APBA1: variants seen among roughly 807,000 people sequenced by gnomAD.
The protein encoded by APBA1 is amyloid-beta A4 precursor protein-binding family A member 1.
A neutral mutation model predicts 86.6 loss-of-function variants in APBA1; 55 were observed. The observed-to-expected ratio is 0.64, with a 90% CI of 0.51 to 0.80. APBA1 has a LOEUF of 0.80. Ranked by LOEUF, APBA1 falls within the 30% of genes least tolerant of loss-of-function variation. The pLI, the probability that APBA1 is intolerant of heterozygous loss-of-function variation, is 0.00. For synonymous variants in APBA1, 511 were observed against 493.9 expected, an observed-to-expected ratio of 1.03 and a Z score of -0.46; for missense variants, 1,090 against 1,183.0, an observed-to-expected ratio of 0.92 and a Z score of 1.15.
intron 2 of APBA1, among the ~76,000 whole-genome samples, chr9:69,485,054 A>T (rs1182591892): frequency 6.6e-6 from 1 of 151,592 alleles, no homozygotes; most frequent in East Asian, 1.9e-4. Context: ...GGGCTCAAGC[A>T]ATCCTCCTGC....
chr9:69,643,969 A>G (rs1316607978), intron 1 of APBA1, among the ~76,000 whole-genome samples: 2 of 152,186 alleles, frequency 1.3e-5, no homozygotes, highest in African/African-American at 4.8e-5. Flanking sequence ...TTTGCCTAGA[A>G]GGCTCTTCCC....
chr9:69,450,891 T>G (rs747941736), intron 9 of APBA1, among the ~76,000 whole-genome samples: 2 of 151,962 alleles, frequency 1.3e-5, no homozygotes, highest in African/African-American at 2.4e-5. Context: ...AGACACAGCA[T>G]GAAGACAGCC....
chr9:69,632,555 C>T (rs563040601), intron 1 of APBA1, among the ~76,000 whole-genome samples: 5 of 152,122 alleles, frequency 3.3e-5, no homozygotes, highest in African/African-American at 7.2e-5. Context: ...AGAAACTAAA[C>T]GACTTAATAT....
intron 2 of APBA1, among the ~76,000 whole-genome samples, chr9:69,499,783 T>C (rs530312736): frequency 1.3e-5 from 2 of 151,706 alleles, no homozygotes; most frequent in Non-Finnish European, 2.9e-5. Context: ...CACTGCAACA[T>C]TTTTCTTGAA....
intron 11 of APBA1, among the ~76,000 whole-genome samples, chr9:69,440,239 C>CT (rs1834791390): frequency 6.6e-6 from 1 of 152,192 alleles, no homozygotes; most frequent in African/African-American, 2.4e-5. Context: ...CAGGGACACA[C>CT]TTCAGGAGGC....
chr9:69,660,554 C>T (rs1406715279), intron 1 of APBA1, among the ~76,000 whole-genome samples: 1 of 152,102 alleles, frequency 6.6e-6, no homozygotes, highest in African/African-American at 2.4e-5. Flanking sequence ...CATTCTTTTC[C>T]TTTTATGGTT....
In APBA1 at chr9:69,432,604, T is replaced by G; in HGVS notation, c.2374A>C (p.Asn792His). ...VRVGHRIIEI[N>H]GQSVVATPHE... ...GGGGTGGCCACGACGCTCTGTCCAT[T>G]GATTTCAATGATCCGGTGCCCCACA... The change falls in exon 12 of 13, where the codon AAT (asparagine) becomes CAT (histidine). Residue 792 changes from asparagine to histidine, a missense_variant. Asn to His is a moderately conservative substitution (Grantham distance 68, BLOSUM62 1). Coordinates refer to ENST00000265381, the MANE Select transcript of APBA1 (RefSeq NM_001163.4). The G allele has an allele frequency of 6.2e-7, 1 of 1,606,786 alleles. No homozygotes were observed. The highest frequency in any genetic ancestry group is 8.5e-7 in the Non-Finnish European group (1 of 1,176,928).
intron 1 of APBA1, among the ~76,000 whole-genome samples, chr9:69,552,134 T>C (rs763481491): frequency 1.3e-5 from 2 of 152,196 alleles, no homozygotes; most frequent in African/African-American, 4.8e-5. Flanking sequence ...GCTTTGAATA[T>C]GACAATGGAA....
At chr9:69,671,273 T>C (rs938112626) in intron 1 of APBA1, among the ~76,000 whole-genome samples, 2 of 152,156 alleles carry the variant, frequency 1.3e-5, no homozygotes, top group African/African-American at 4.8e-5. Context: ...AAGACCCTTA[T>C]GGAACAGGTG....
intron 11 of APBA1, among the ~76,000 whole-genome samples, chr9:69,434,015 T>G (rs943623563): frequency 3.9e-5 from 6 of 152,182 alleles, no homozygotes; most frequent in Admixed American, 3.9e-4. Flanking sequence ...CTTTGCCATG[T>G]TGGCCAAGCT....
At chr9:69,572,046 C>T (rs1365386370) in intron 1 of APBA1, among the ~76,000 whole-genome samples, 1 of 152,142 alleles carries the variant, frequency 6.6e-6, no homozygotes, top group African/African-American at 2.4e-5. Flanking sequence ...GAGGGCAGTC[C>T]AAGATAGTGC....
At chr9:69,586,928 T>C (rs1435587411) in intron 1 of APBA1, among the ~76,000 whole-genome samples, 1 of 152,230 alleles carries the variant, frequency 6.6e-6, no homozygotes, top group Non-Finnish European at 1.5e-5. Context: ...GAGTTCCATA[T>C]ACTTTAAAAA....
At chr9:69,631,294 C>T (rs1309608680) in intron 1 of APBA1, among the ~76,000 whole-genome samples, 1 of 152,170 alleles carries the variant, frequency 6.6e-6, no homozygotes, top group Non-Finnish European at 1.5e-5. Context: ...AGCCAACAGA[C>T]ACATGAAAAA....
intron 11 of APBA1, among the ~76,000 whole-genome samples, chr9:69,433,116 A>G (rs1834634126): frequency 6.6e-6 from 1 of 152,172 alleles, no homozygotes; most frequent in African/African-American, 2.4e-5. Context: ...CTGAGCCACC[A>G]TGGGGCTGGA....
intron 1 of APBA1, among the ~76,000 whole-genome samples, chr9:69,535,955 C>G (rs1313531432): frequency 6.6e-6 from 1 of 151,788 alleles, no homozygotes; most frequent in Non-Finnish European, 1.5e-5. Context: ...ATCTTGGTCT[C>G]TCTCTTTCAT....
intron 1 of APBA1, among the ~76,000 whole-genome samples, chr9:69,633,520 C>T (rs528043850): frequency 2.0e-5 from 3 of 152,314 alleles, no homozygotes; most frequent in South Asian, 2.1e-4. Context: ...GTGAGGGACT[C>T]TAATCTTCTC....
chr9:69,597,899 A>G, intron 1 of APBA1, among the ~76,000 whole-genome samples: 1 of 152,164 alleles, frequency 6.6e-6, no homozygotes, highest in Admixed American at 6.5e-5. Flanking sequence ...ATCTAGAACT[A>G]GAAATACCAT....
intron 1 of APBA1, among the ~76,000 whole-genome samples, chr9:69,648,784 G>A (rs1449488660): frequency 6.6e-6 from 1 of 152,050 alleles, no homozygotes; most frequent in Non-Finnish European, 1.5e-5. Context: ...CCAAATCTAT[G>A]CTTGGTTAGC....
In APBA1 at chr9:69,471,450, T is replaced by C. The variant is rs562461944; in HGVS notation, c.1336+206A>G. 3.3e-5 allele frequency among the ~76,000 whole-genome samples: 5 copies of C among 152,292 alleles called. No homozygotes were observed. The South Asian group carries it at 1.0e-3, about 32-fold the overall frequency. The stretch of plus-strand genomic sequence containing the variant: ...TCCAATTTCAGAGTCCTCATCCACA[T>C]AATGAGCAAAGACGTGAGGAGGATT... On this transcript the variant is annotated intron_variant, in intron 4 of 12. Coordinates refer to ENST00000265381, the MANE Select transcript of APBA1 (RefSeq NM_001163.4).
Sources: allele counts gnomAD v4.1 joint callset (sites outside exome capture counted in the v4.1 genomes callset), GRCh38; gene constraint gnomAD v4.1.1; transcripts MANE v1.5; gene names NCBI Gene and HGNC (gene_info 2026-07-23, HGNC 2026-07-21).